CNTN4: variants seen among roughly 807,000 people sequenced by gnomAD.
CNTN4 encodes contactin 4, also known as contactin-4.
Under a neutral mutation model 122.5 loss-of-function variants are expected in CNTN4, and 77 were observed. The observed-to-expected ratio is 0.63, with a 90% CI of 0.52 to 0.76. CNTN4 has a LOEUF of 0.76. Ranked by LOEUF, CNTN4 falls within the 30% of genes least tolerant of loss-of-function variation. CNTN4 has a pLI of 0.00. For synonymous variants in CNTN4, 512 were observed against 447.0 expected, an observed-to-expected ratio of 1.15 and a Z score of -1.83; for missense variants, 1,256 against 1,259.1, an observed-to-expected ratio of 1.00 and a Z score of 0.04.
chr3:2,372,543 T>A (rs1321542849), intron 3 of CNTN4, among the ~76,000 whole-genome samples: 1 of 152,228 alleles, frequency 6.6e-6, no homozygotes, highest in Non-Finnish European at 1.5e-5. Context: ...TTCCAATCCC[T>A]AATGTCCTCT....
chr3:3,029,945 A>G (rs929042460), intron 15 of CNTN4, among the ~76,000 whole-genome samples: 16 of 152,218 alleles, frequency 1.1e-4, no homozygotes, highest in African/African-American at 3.6e-4. Context: ...TTCCTGTTGT[A>G]TAGTTTGGAA....
At chr3:2,332,892 TA>T (rs67168655) in intron 2 of CNTN4, among the ~76,000 whole-genome samples, 11,017 of 151,198 alleles carry the variant, frequency 0.073, 467 homozygotes, top group Middle Eastern at 0.086. Context: ...AAAATAAAAT[TA>T]AAAAAAAATA....
At chr3:2,413,090 A>G (rs2047286640) in intron 3 of CNTN4, among the ~76,000 whole-genome samples, 2 of 152,166 alleles carry the variant, frequency 1.3e-5, no homozygotes, top group South Asian at 4.1e-4. Flanking sequence ...ATACATATGC[A>G]TCGTTAAAAT....
At chr3:2,808,089 A>G (rs1212990836) in intron 6 of CNTN4, among the ~76,000 whole-genome samples, 2 of 152,184 alleles carry the variant, frequency 1.3e-5, no homozygotes, top group African/African-American at 4.8e-5. Flanking sequence ...AAGGCTAATA[A>G]AAGAAAAGAA....
intron 14 of CNTN4, among the ~76,000 whole-genome samples, chr3:3,016,544 T>C (rs1697771973): frequency 6.6e-6 from 1 of 152,216 alleles, no homozygotes; most frequent in South Asian, 2.1e-4. Flanking sequence ...AGACAGATTA[T>C]ATCTTGCTTA....
intron 13 of CNTN4, among the ~76,000 whole-genome samples, chr3:2,949,951 T>C (rs2094721023): frequency 6.6e-6 from 1 of 152,186 alleles, no homozygotes; most frequent in Non-Finnish European, 1.5e-5. Flanking sequence ...TTAAAAATAA[T>C]TATATCTTAT....
At chr3:2,192,249 A>G (rs2037607046) in intron 2 of CNTN4, among the ~76,000 whole-genome samples, 1 of 152,178 alleles carries the variant, frequency 6.6e-6, no homozygotes, top group African/African-American at 2.4e-5. Flanking sequence ...ATACCCATTA[A>G]TGGGATGGCT....
At chr3:2,446,169 C>T (rs1177594820) in intron 3 of CNTN4, among the ~76,000 whole-genome samples, 1 of 152,150 alleles carries the variant, frequency 6.6e-6, no homozygotes, top group Non-Finnish European at 1.5e-5. Context: ...CTTGGAGAGA[C>T]CCTAGGGAAG....
intron 2 of CNTN4, 89 bp downstream of exon 2, chr3:2,100,728 T>G (rs930668815): frequency 1.3e-5 from 2 of 152,258 alleles, no homozygotes; most frequent in Admixed American, 6.5e-5. Context: ...GTAAGATTGC[T>G]AAGGATCAAA....
At chr3:2,531,325 C>T (rs771450337) in intron 3 of CNTN4, among the ~76,000 whole-genome samples, 5 of 152,014 alleles carry the variant, frequency 3.3e-5, no homozygotes, top group African/African-American at 1.2e-4. Flanking sequence ...GGCCTGGGTA[C>T]GGGAGATACA....
chr3:2,253,065 G>A (rs1248734540), intron 2 of CNTN4, among the ~76,000 whole-genome samples: 2 of 152,044 alleles, frequency 1.3e-5, no homozygotes, highest in African/African-American at 4.8e-5. Context: ...GCCACTGCAA[G>A]TAGTTTAGGA....
intron 4 of CNTN4, among the ~76,000 whole-genome samples, chr3:2,649,430 T>G (rs995167204): frequency 1.3e-5 from 2 of 152,246 alleles, no homozygotes; most frequent in South Asian, 2.1e-4. Flanking sequence ...AGGACCCTTA[T>G]GAATCATGCC....
chr3:2,726,468 G>A (rs113331220), intron 4 of CNTN4, among the ~76,000 whole-genome samples: 2 of 152,184 alleles, frequency 1.3e-5, no homozygotes, highest in Admixed American at 6.5e-5. Context: ...CAAAGAAAGA[G>A]TAGAATGCTC....
intron 13 of CNTN4, among the ~76,000 whole-genome samples, chr3:2,929,979 C>T (rs2094505531): frequency 6.6e-6 from 1 of 152,206 alleles, no homozygotes; most frequent in South Asian, 2.1e-4. Flanking sequence ...GCTGGGCCCA[C>T]ATCCTTCCCT....
At chr3:2,300,777 G>A (rs1445819097) in intron 2 of CNTN4, among the ~76,000 whole-genome samples, 1 of 151,742 alleles carries the variant, frequency 6.6e-6, no homozygotes, top group Admixed American at 6.6e-5. Flanking sequence ...CACCATGTTG[G>A]CCAGGATGGT....
chr3:2,735,886 G>A (rs934781749), intron 4 of CNTN4: 26 of 473,366 alleles, frequency 5.5e-5, no homozygotes, highest in Admixed American at 4.3e-4. Context: ...AAAGGGATAC[G>A]GGAAGCACAA....
At chr3:2,828,071 G>A (rs746275494) in intron 7 of CNTN4, among the ~76,000 whole-genome samples, 7 of 152,112 alleles carry the variant, frequency 4.6e-5, no homozygotes, top group Admixed American at 1.3e-4. Flanking sequence ...GAAGGGCCCA[G>A]CATTTCACTT....
At chr3:2,408,476 A>T (rs1052078232) in intron 3 of CNTN4, among the ~76,000 whole-genome samples, 2 of 152,340 alleles carry the variant, frequency 1.3e-5, no homozygotes, top group Middle Eastern at 6.8e-3. Context: ...CAGTTTGCTA[A>T]TGGAAGGATG....
intron 13 of CNTN4, among the ~76,000 whole-genome samples, chr3:2,980,837 G>A (rs937620918): frequency 2.6e-5 from 4 of 152,132 alleles, no homozygotes; most frequent in African/African-American, 9.7e-5. Context: ...CCAAAGATTG[G>A]ATAGACCAGG....
Sources: allele counts gnomAD v4.1 joint callset (sites outside exome capture counted in the v4.1 genomes callset), GRCh38; gene constraint gnomAD v4.1.1; transcripts MANE v1.5; gene names NCBI Gene and HGNC (gene_info 2026-07-23, HGNC 2026-07-21).